The following SYTL2 variants were observed in gnomAD, a reference collection of about 807,000 sequenced individuals.
SYTL2 encodes the protein synaptotagmin-like protein 2.
A neutral mutation model predicts 198.7 loss-of-function variants in SYTL2; 165 were observed. The ratio of observed to expected loss-of-function variants is 0.83; its 90% CI spans 0.73 to 0.94. The LOEUF (loss-of-function observed/expected upper bound fraction) is 0.94, where lower values mean the gene tolerates loss of function less well. Among genes scored for constraint, SYTL2 ranks in the 40% least tolerant of loss-of-function variants. SYTL2 has a pLI of 0.00. For missense variants in SYTL2, 2,835 were observed against 2,582.8 expected, an observed-to-expected ratio of 1.10 and a Z score of -2.12; for synonymous variants, 966 against 917.7, an observed-to-expected ratio of 1.05 and a Z score of -0.95.
At chr11:85,723,528 T>C (rs1381153249) in intron 8 of SYTL2, among the ~76,000 whole-genome samples, 2 of 152,234 alleles carry the variant, frequency 1.3e-5, no homozygotes, top group African/African-American at 2.4e-5. Flanking sequence ...CTGTGGCACA[T>C]CTTTGCGACA....
intron 1 of SYTL2, among the ~76,000 whole-genome samples, chr11:85,799,233 T>C (rs1241360596): frequency 2.6e-5 from 4 of 152,098 alleles, no homozygotes; most frequent in Non-Finnish European, 4.4e-5. Context: ...ATTAAGGAAA[T>C]AGTAAGTCCC....
intron 1 of SYTL2, among the ~76,000 whole-genome samples, chr11:85,798,651 G>T (rs996597813): frequency 6.6e-6 from 1 of 152,194 alleles, no homozygotes; most frequent in East Asian, 1.9e-4. Context: ...AAAAAGGTGC[G>T]TGGGGTGAAG....
chr11:85,810,921 G>C (rs1040332089), intron 1 of SYTL2, 33 bp downstream of exon 1: 1 of 152,252 alleles, frequency 6.6e-6, no homozygotes, highest in African/African-American at 2.4e-5. Context: ...CACAGCGAGT[G>C]GGCCAAGTAG....
chr11:85,825,401 A>AAT, the SYTL2 span, among the ~76,000 whole-genome samples: 9 of 151,450 alleles, frequency 5.9e-5, no homozygotes, highest in African/African-American at 2.2e-4. Context: ...AAAAAAAAAA[A>AAT]AAAGGACCAT....
chr11:85,788,166 C>G (rs2092668101), intron 1 of SYTL2, among the ~76,000 whole-genome samples: 1 of 152,162 alleles, frequency 6.6e-6, no homozygotes, highest in African/African-American at 2.4e-5. Context: ...AGTTTGTCAA[C>G]TGCATTTTGA....
chr11:85,744,034 G>C (rs11607380), intron 4 of SYTL2, among the ~76,000 whole-genome samples: 1 of 151,964 alleles, frequency 6.6e-6, no homozygotes, highest in East Asian at 1.9e-4. Flanking sequence ...CAATATTTTA[G>C]GTCTCATCTT....
intron 13 of SYTL2, 133 bp downstream of exon 13, chr11:85,710,980 C>A: frequency 2.2e-6 from 2 of 920,778 alleles, no homozygotes; most frequent in Non-Finnish European, 3.2e-6. Context: ...TAGCCAGAAG[C>A]TAATTATGGA....
chr11:85,790,610 T>C (rs917758135), intron 1 of SYTL2, among the ~76,000 whole-genome samples: 2 of 152,208 alleles, frequency 1.3e-5, no homozygotes, highest in African/African-American at 4.8e-5. Context: ...CAGGTTCACC[T>C]GTATTTCAAA....
Position 85,725,427 on chromosome 11 carries a change from G to C in SYTL2, c.3931C>G (p.Pro1311Ala), listed in dbSNP as rs1283655047. Residue 1311 changes from proline (P) to alanine (A), a missense_variant, in exon 8 of 20, where the codon CCA (proline) becomes GCA (alanine). Physicochemically the swap from Pro to Ala is conservative, Grantham distance 27. Around this residue, in one of 3 missense-constraint regions of SYTL2, gnomAD observed 2,645 missense variants for 2,381.7 expected, o/e 1.11. Transcript: ENST00000359152. The stretch of plus-strand genomic sequence containing the variant: ...CCCTTTCTGGAAAGCTGGGAAGTTG[G>C]ATCCAATGGATGAGAATCTTCTGCA... ...MAAEDSHPLD[P>A]TSQLSRKGSF... The C allele has an allele frequency of 1.2e-6, 2 of 1,613,980 alleles. No homozygotes were observed. The highest frequency in any genetic ancestry group is 1.7e-6 in the Non-Finnish European group (2 of 1,180,008).
the SYTL2 span, among the ~76,000 whole-genome samples, chr11:85,826,354 C>T: frequency 5.9e-5 from 9 of 152,314 alleles, no homozygotes; most frequent in Non-Finnish European, 1.3e-4. Flanking sequence ...TAAATTAGGA[C>T]CACTGTCTGT....
intron 1 of SYTL2, among the ~76,000 whole-genome samples, chr11:85,798,650 C>T (rs956653974): frequency 2.0e-5 from 3 of 152,108 alleles, no homozygotes; most frequent in African/African-American, 7.2e-5. Flanking sequence ...GAAAAAGGTG[C>T]GTGGGGTGAA....
At chr11:85,848,234 G>C in the SYTL2 span, among the ~76,000 whole-genome samples, 2 of 146,160 alleles carry the variant, frequency 1.4e-5, no homozygotes, top group Non-Finnish European at 3.0e-5. Flanking sequence ...GCAAGACCCT[G>C]ACTCAAAAAA....
At chr11:85,801,078 C>T (rs1483208561) in intron 1 of SYTL2, among the ~76,000 whole-genome samples, 1 of 152,202 alleles carries the variant, frequency 6.6e-6, no homozygotes, top group Non-Finnish European at 1.5e-5. Flanking sequence ...GAAGGGCCAC[C>T]TAGCTTCTTG....
chr11:85,715,793 G>C (rs2087121472), intron 11 of SYTL2, among the ~76,000 whole-genome samples: 1 of 152,132 alleles, frequency 6.6e-6, no homozygotes, highest in South Asian at 2.1e-4. Context: ...TGTAAGATTA[G>C]GTCCCACAAT....
intron 9 of SYTL2, chr11:85,719,219 T>C: frequency 1.6e-6 from 2 of 1,215,220 alleles, no homozygotes; most frequent in Non-Finnish European, 2.1e-6. Flanking sequence ...CCATGGTCAT[T>C]AACAAATATT....
intron 1 of SYTL2, among the ~76,000 whole-genome samples, chr11:85,777,835 T>C (rs985277407): frequency 7.2e-6 from 1 of 138,228 alleles, no homozygotes; most frequent in African/African-American, 3.1e-5. Context: ...TTTTTTTTTT[T>C]TTGAGACCGA....
At chr11:85,766,880 T>C (rs1247855296) in intron 1 of SYTL2, among the ~76,000 whole-genome samples, 2 of 152,200 alleles carry the variant, frequency 1.3e-5, no homozygotes, top group Non-Finnish European at 2.9e-5. Flanking sequence ...CAGCACACTC[T>C]ACAGTGACAT....
At chr11:85,813,409 G>A (rs2093057491), upstream of SYTL2, among the ~76,000 whole-genome samples, 1 of 152,178 alleles carries the variant, frequency 6.6e-6, no homozygotes, top group African/African-American at 2.4e-5. Context: ...CACATACAGT[G>A]CACTGAAAAA....
intron 6 of SYTL2, among the ~76,000 whole-genome samples, chr11:85,735,981 T>G (rs1378847557): frequency 1.3e-5 from 2 of 152,210 alleles, no homozygotes; most frequent in Admixed American, 1.3e-4. Flanking sequence ...ATTGAAATGT[T>G]TAGCATTTCC....
Sources: allele counts gnomAD v4.1 joint callset (sites outside exome capture counted in the v4.1 genomes callset), GRCh38; gene constraint gnomAD v4.1.1; regional missense constraint gnomAD v4.1.1; transcripts MANE v1.5; gene names NCBI Gene and HGNC (gene_info 2026-07-23, HGNC 2026-07-21).